Variants in SORCS2 observed in about 807,000 individuals in gnomAD.
SORCS2 encodes the protein sortilin related VPS10 domain containing receptor 2, also known as VPS10 domain-containing receptor SorCS2.
SORCS2 carries 100 observed loss-of-function variants against 141.6 expected under a neutral mutation model. The observed-to-expected ratio is 0.71, with a 90% CI of 0.60 to 0.83. The LOEUF (loss-of-function observed/expected upper bound fraction) is 0.83. Ranked by LOEUF, SORCS2 falls within the 40% of genes least tolerant of loss-of-function variation. The pLI, the probability that SORCS2 is intolerant of heterozygous loss-of-function variation, is 0.00. For missense variants in SORCS2, 1,646 were observed against 1,560.2 expected (o/e 1.05, Z -0.93); for synonymous variants, 789 against 676.9 (o/e 1.17, Z -2.57).
At chr4:7,625,358 C>T (rs868488371) in intron 3 of SORCS2, among the ~76,000 whole-genome samples, 1 of 152,196 alleles carries the variant, frequency 6.6e-6, no homozygotes, top group Middle Eastern at 3.4e-3. Context: ...GGTCATCTCA[C>T]CACTCCAGGC....
chr4:7,509,788 T>TG (rs1732504271), intron 2 of SORCS2, among the ~76,000 whole-genome samples: 2 of 152,170 alleles, frequency 1.3e-5, no homozygotes, highest in Admixed American at 1.3e-4. Flanking sequence ...GGCTGTGTTC[T>TG]GGGGCTTGGG....
At chr4:7,543,334 T>C (rs1234632889) in intron 3 of SORCS2, among the ~76,000 whole-genome samples, 2 of 152,176 alleles carry the variant, frequency 1.3e-5, no homozygotes, top group Non-Finnish European at 2.9e-5. Flanking sequence ...CATTCATTCA[T>C]CTATCCACTT....
chr4:7,328,018 C>CTTTTTTTTTTTTTTTT (rs60976971), intron 1 of SORCS2, among the ~76,000 whole-genome samples: 2 of 88,698 alleles, frequency 2.3e-5, no homozygotes, highest in African/African-American at 8.3e-5. Context: ...TCGTGCTAGG[C>CTTTTTTTTTTTTTTTT]TTTTTTTTTT....
chr4:7,443,745 T>TTAGAGGGA (rs1240060791), intron 2 of SORCS2, among the ~76,000 whole-genome samples: 1 of 152,222 alleles, frequency 6.6e-6, no homozygotes, highest in Non-Finnish European at 1.5e-5. Flanking sequence ...CACCTTGGCG[T>TTAGAGGGA]TAGAGGGAAA....
At chr4:7,624,374 C>T (rs1240135647) in intron 3 of SORCS2, among the ~76,000 whole-genome samples, 2 of 152,226 alleles carry the variant, frequency 1.3e-5, no homozygotes, top group Non-Finnish European at 2.9e-5. Context: ...CATGTTTTGG[C>T]TTCAGACACC....
In SORCS2 at chr4:7,238,293, G is replaced by GC. The variant is rs528080317; in HGVS notation, c.480+45167_480+45168insC. On this transcript the variant is annotated intron_variant, in intron 1 of 26. Coordinates refer to ENST00000507866, the MANE Select transcript of SORCS2 (RefSeq NM_020777.3). ...GGCTGGGGAGGTAGAGGGAGTCTGG[G>GC]GGGGGTTGCTGGTACTGCATACAGC... Among the ~76,000 whole-genome samples, 1,044 of 152,034 alleles carry GC rather than the reference G, an allele frequency of 6.9e-3. 13 individuals carry two copies. Among genetic ancestry groups the GC allele is most frequent in the African/African-American group, 0.024 (1,005 of 41,442 alleles).
At chr4:7,699,192 C>T (rs1213656894) in intron 12 of SORCS2, among the ~76,000 whole-genome samples, 2 of 152,170 alleles carry the variant, frequency 1.3e-5, no homozygotes, top group Non-Finnish European at 2.9e-5. Flanking sequence ...AGGCTCTCTG[C>T]TCTCCCCACC....
chr4:7,661,452 G>C (rs1307532175), intron 5 of SORCS2, 48 bp from the exon 6 acceptor site: 2 of 1,544,624 alleles, frequency 1.3e-6, no homozygotes, highest in South Asian at 1.2e-5. Context: ...CTGGGGGACG[G>C]GCATGGTGAC....
At chr4:7,712,628 C>G (rs920585599) in intron 14 of SORCS2, 105 bp from the exon 15 acceptor site, 2 of 1,497,986 alleles carry the variant, frequency 1.3e-6, no homozygotes, top group Non-Finnish European at 9.1e-7. Context: ...ATATCTGTGC[C>G]CATGGTACAG....
rs370528252 is a variant in SORCS2, at chr4:7,434,817, T to A, written c.548+38462T>A. The A allele has an allele frequency of 3.1e-6, 5 of 1,604,084 alleles. No individual in the cohort carries two copies. The African/African-American group carries it at 6.7e-5, about 21-fold the overall frequency. Reference sequence around the variant, plus strand: ...AGCCCTTTGCACACTCCTGGGGGCCTGAGGTGGGGCTGGCCCTGGTGGCCC... The same window carrying A: ...AGCCCTTTGCACACTCCTGGGGGCCAGAGGTGGGGCTGGCCCTGGTGGCCC... On this transcript the variant is annotated intron_variant, in intron 2 of 26. Coordinates refer to ENST00000507866, the MANE Select transcript of SORCS2 (RefSeq NM_020777.3).
At chr4:7,518,443 C>T (rs1462882058) in intron 2 of SORCS2, among the ~76,000 whole-genome samples, 1 of 152,210 alleles carries the variant, frequency 6.6e-6, no homozygotes, top group Non-Finnish European at 1.5e-5. Flanking sequence ...CAGAAGGCAG[C>T]TGCTGGGTGC....
chr4:7,399,528 T>C (rs1577500971), intron 2 of SORCS2, among the ~76,000 whole-genome samples: 1 of 152,218 alleles, frequency 6.6e-6, no homozygotes. Context: ...GATCCAGTGC[T>C]CTGCCCCTTT....
chr4:7,386,754 C>T (rs1723373831), intron 1 of SORCS2, among the ~76,000 whole-genome samples: 1 of 60,190 alleles, frequency 1.7e-5, no homozygotes, highest in Non-Finnish European at 3.2e-5. Context: ...CATACAGGTA[C>T]ACAGAGATAC....
intron 2 of SORCS2, among the ~76,000 whole-genome samples, chr4:7,446,621 TG>T (rs1252558386): frequency 6.6e-6 from 1 of 152,062 alleles, no homozygotes; most frequent in African/African-American, 2.4e-5. Flanking sequence ...GCAGCCTTGT[TG>T]GGGTGATGAG....
At chr4:7,216,823 T>C (rs1728380951) in intron 1 of SORCS2, among the ~76,000 whole-genome samples, 2 of 152,064 alleles carry the variant, frequency 1.3e-5, no homozygotes, top group Non-Finnish European at 2.9e-5. Context: ...GATGTCTTCT[T>C]GGGGGCTGAG....
chr4:7,724,932 G>GT (rs1727082520), intron 19 of SORCS2, among the ~76,000 whole-genome samples: 45 of 61,832 alleles, frequency 7.3e-4, no homozygotes, highest in East Asian at 2.1e-3. Context: ...GATGGTGGTA[G>GT]TAGTGGTGAT....
intron 3 of SORCS2, among the ~76,000 whole-genome samples, chr4:7,616,142 A>G (rs1718740733): frequency 6.6e-6 from 1 of 152,182 alleles, no homozygotes; most frequent in Non-Finnish European, 1.5e-5. Flanking sequence ...GTGGCCCTAA[A>G]GCCAGTATAG....
intron 20 of SORCS2, among the ~76,000 whole-genome samples, chr4:7,726,485 G>A (rs1398668153): frequency 2.0e-5 from 3 of 152,182 alleles, no homozygotes; most frequent in Non-Finnish European, 4.4e-5. Context: ...TGAGGTGGGA[G>A]AATACTTGAA....
intron 2 of SORCS2, among the ~76,000 whole-genome samples, chr4:7,524,619 G>A (rs115287107): frequency 6.3e-4 from 95 of 151,688 alleles, no homozygotes; most frequent in African/African-American, 2.0e-3. Context: ...AAGGAGTGAT[G>A]TTTAGAGTTT....
Sources: gnomAD v4.1 joint callset for allele counts (sites outside exome capture counted in the v4.1 genomes callset) on GRCh38, gnomAD v4.1.1 for gene constraint, MANE v1.5 for transcripts, NCBI Gene and HGNC (gene_info 2026-07-23, HGNC 2026-07-21) for gene names.